The following GUCA1C variants were observed in gnomAD, a reference collection of about 807,000 sequenced individuals.
The protein encoded by GUCA1C is guanylyl cyclase-activating protein 3.
In GUCA1C, 15 loss-of-function variants were observed where a neutral mutation model predicts 16.2. The ratio of observed to expected loss-of-function variants is 0.93; its 90% confidence interval spans 0.62 to 1.43. The LOEUF is 1.43. GUCA1C is among the 40% of genes most tolerant of loss of function. The probability of loss-of-function intolerance (pLI) is 0.00; values close to 1 mark genes in which losing one functional copy is unlikely to be tolerated. For synonymous variants in GUCA1C, 78 were observed against 85.4 expected, an observed-to-expected ratio of 0.91 and a Z score of 0.48; for missense variants, 275 against 244.8, an observed-to-expected ratio of 1.12 and a Z score of -0.82.
intron 1 of GUCA1C, among the ~76,000 whole-genome samples, chr3:108,923,059 A>C (rs1180157770): frequency 6.6e-6 from 1 of 152,108 alleles, no homozygotes; most frequent in Non-Finnish European, 1.5e-5. Flanking sequence ...AGTTCTTTGT[A>C]GATTCTCGCT....
In GUCA1C at chr3:108,916,310, T is replaced by C; in HGVS notation, c.355-96A>G. On this transcript the variant is annotated intron_variant, in intron 2 of 3. Transcript: ENST00000261047. Reference sequence around the variant, plus strand: ...CGATGTGACAGAATTTGGGGATGTGTTGTCGGTTGCTATCCAACCTGTACC... The same window carrying C: ...CGATGTGACAGAATTTGGGGATGTGCTGTCGGTTGCTATCCAACCTGTACC... The C allele has an allele frequency of 2.6e-6, 3 of 1,170,834 alleles. No homozygotes were observed. The Admixed American group carries it at 6.2e-5, about 24-fold the overall frequency. 72.5% of individuals were successfully genotyped at this position (1,170,834 alleles called of 1,614,324 possible). A position where few individuals can be genotyped will look rare whatever the true frequency, so the allele number is the denominator to read the frequency against.
chr3:108,945,370 C>A (rs1946834102), intron 1 of GUCA1C, among the ~76,000 whole-genome samples: 1 of 152,226 alleles, frequency 6.6e-6, no homozygotes, highest in Non-Finnish European at 1.5e-5. Flanking sequence ...CTTCAAGTCC[C>A]ATCATCTCAC....
chr3:108,934,935 T>G (rs987931255), intron 1 of GUCA1C, among the ~76,000 whole-genome samples: 2 of 144,826 alleles, frequency 1.4e-5, no homozygotes, highest in African/African-American at 5.1e-5. Flanking sequence ...TGCCTCAGCC[T>G]CCCGAGTAGC....
At chr3:108,928,991 G>T (rs1472311173) in intron 1 of GUCA1C, among the ~76,000 whole-genome samples, 1 of 152,162 alleles carries the variant, frequency 6.6e-6, no homozygotes, top group Non-Finnish European at 1.5e-5. Context: ...CTAGGATTTT[G>T]ATTTGAATTT....
At chr3:108,936,082 T>C (rs900295723) in intron 1 of GUCA1C, among the ~76,000 whole-genome samples, 11 of 152,166 alleles carry the variant, frequency 7.2e-5, no homozygotes, top group Admixed American at 7.2e-4. Flanking sequence ...CTGGGCAACA[T>C]GGTGAAGCCC....
At chr3:108,942,140 C>T (rs1946792427) in intron 1 of GUCA1C, among the ~76,000 whole-genome samples, 1 of 152,166 alleles carries the variant, frequency 6.6e-6, no homozygotes, top group South Asian at 2.1e-4. Flanking sequence ...TCAGGTTCCT[C>T]ATGTGTAAAT....
chr3:108,938,223 T>A (rs912831815), intron 1 of GUCA1C, among the ~76,000 whole-genome samples: 1 of 150,678 alleles, frequency 6.6e-6, no homozygotes, highest in African/African-American at 2.4e-5. Context: ...CACACAGCAT[T>A]AACTTTCAGT....
At chr3:108,934,830 T>TTG (rs1946707263) in intron 1 of GUCA1C, among the ~76,000 whole-genome samples, 1 of 147,938 alleles carries the variant, frequency 6.8e-6, no homozygotes, top group South Asian at 2.2e-4. Context: ...TTTTTTTTTT[T>TTG]TGAGACTGAG....
chr3:108,930,766 C>T lies in GUCA1C; in HGVS notation c.205-10181G>A, dbSNP rs144485859. ...AAGAAATTTGTTCAAATACACAAAA[C>T]CTAACTGATTTTACCTTTTCGCTGC... On this transcript the variant is annotated intron_variant, in intron 1 of 3. Transcript: ENST00000261047. 3.9e-3 allele frequency among the ~76,000 whole-genome samples: 590 copies of T among 152,252 alleles called. 3 individuals are homozygous for T. Among genetic ancestry groups the T allele is most frequent in the African/African-American group, 0.013 (559 of 41,540 alleles).
At chr3:108,919,677 T>C (rs1946551836) in intron 2 of GUCA1C, among the ~76,000 whole-genome samples, 1 of 152,158 alleles carries the variant, frequency 6.6e-6, no homozygotes. Flanking sequence ...TTTTCTGGCA[T>C]TTTTGCTAAT....
intron 1 of GUCA1C, among the ~76,000 whole-genome samples, chr3:108,930,956 G>A (rs1057387482): frequency 6.6e-6 from 1 of 152,148 alleles, no homozygotes; most frequent in African/African-American, 2.4e-5. Flanking sequence ...TTCAGAAACA[G>A]GTCTGGAAGT....
intron 3 of GUCA1C, among the ~76,000 whole-genome samples, chr3:108,908,460 G>T (rs1215426208): frequency 6.6e-6 from 1 of 151,728 alleles, no homozygotes. Context: ...TGCCCCAGAT[G>T]AAATAAGAGC....
At chr3:108,929,463 A>G (rs1040099936) in intron 1 of GUCA1C, among the ~76,000 whole-genome samples, 1 of 152,152 alleles carries the variant, frequency 6.6e-6, no homozygotes, top group African/African-American at 2.4e-5. Flanking sequence ...GTCTTAATGC[A>G]GTAGCTAGGA....
intron 1 of GUCA1C, among the ~76,000 whole-genome samples, chr3:108,942,322 C>G (rs1447633779): frequency 1.3e-5 from 2 of 152,202 alleles, no homozygotes; most frequent in African/African-American, 4.8e-5. Flanking sequence ...CTCAACTTCT[C>G]CAGAAAGCCT....
intron 2 of GUCA1C, among the ~76,000 whole-genome samples, chr3:108,919,953 C>A (rs184613610): frequency 3.6e-4 from 55 of 152,166 alleles, no homozygotes; most frequent in African/African-American, 1.3e-3. Context: ...GGTACAGTGG[C>A]TTATAAAGGC....
chr3:108,929,700 C>T (rs930138280), intron 1 of GUCA1C, among the ~76,000 whole-genome samples: 6 of 152,042 alleles, frequency 3.9e-5, no homozygotes, highest in African/African-American at 1.5e-4. Flanking sequence ...TGAATCCTCA[C>T]CACTGAACTT....
intron 1 of GUCA1C, among the ~76,000 whole-genome samples, chr3:108,922,418 G>A (rs113347482): frequency 5.9e-5 from 9 of 152,282 alleles, no homozygotes; most frequent in African/African-American, 2.2e-4. Context: ...TCTCCACACT[G>A]TTTCACATAG....
At chr3:108,952,693 G>A (rs1946906802) in intron 1 of GUCA1C, among the ~76,000 whole-genome samples, 1 of 151,194 alleles carries the variant, frequency 6.6e-6, no homozygotes, top group Admixed American at 6.6e-5. Flanking sequence ...ATTATCAGTT[G>A]GATGGCCTTC....
intron 2 of GUCA1C, among the ~76,000 whole-genome samples, chr3:108,916,450 T>A (rs1299494347): frequency 6.6e-6 from 1 of 152,200 alleles, no homozygotes; most frequent in Non-Finnish European, 1.5e-5. Context: ...CATACAGGGA[T>A]CCATTCAACA....
Sources: gnomAD v4.1 joint callset for allele counts (sites outside exome capture counted in the v4.1 genomes callset) on GRCh38, gnomAD v4.1.1 for gene constraint, MANE v1.5 for transcripts, NCBI Gene and HGNC (gene_info 2026-07-23, HGNC 2026-07-21) for gene names.